Variants in ARHGEF9 observed in about 807,000 individuals in gnomAD.
ARHGEF9 encodes Cdc42 guanine nucleotide exchange factor 9.
Under a neutral mutation model 41.3 loss-of-function variants are expected in ARHGEF9, and 2 were observed. The ratio of observed to expected loss-of-function variants is 0.05; its 90% CI spans 0.02 to 0.15. ARHGEF9 has a LOEUF of 0.15. ARHGEF9 is among the 10% of genes least tolerant of loss of function. The probability of loss-of-function intolerance (pLI) is 1.00; values close to 1 mark genes in which losing one functional copy is unlikely to be tolerated. For synonymous variants in ARHGEF9, 160 were observed against 154.4 expected, an observed-to-expected ratio of 1.04 and a Z score of -0.27; for missense variants, 225 against 424.7, an observed-to-expected ratio of 0.53 and a Z score of 4.13.
rs868908107 is a variant in ARHGEF9 at position 63,637,884 on chromosome X, G to C, written c.*144C>G. The C allele has an allele frequency of 2.1e-4, 46 of 215,610 alleles. No homozygotes were observed. The highest frequency in any genetic ancestry group is 4.8e-4 in the Admixed American group (7 of 14,499). The allele number at this position is 215,610 out of a possible 1,213,427, so 17.8% of individuals were successfully genotyped here. A position where few individuals can be genotyped will look rare whatever the true frequency, so the allele number is the denominator to read the frequency against. On this transcript the variant is annotated 3_prime_UTR_variant, in exon 10 of 10. Transcript: ENST00000671741. ...TGTGTGTGTGTGTGTGTGTGTGTCT[G>C]TGTGTGTGTGTGTGTATGTGTACTC...
At chrX:63,752,287 C>G (rs1381052464) in intron 1 of ARHGEF9, among the ~76,000 whole-genome samples, 2 of 100,053 alleles carry the variant, frequency 2.0e-5, no homozygotes, top group Non-Finnish European at 4.0e-5. Context: ...CAAAAAATGC[C>G]AATGTTACTG....
intron 2 of ARHGEF9, among the ~76,000 whole-genome samples, chrX:63,720,886 C>T (rs373137968): frequency 8.9e-6 from 1 of 112,096 alleles, no homozygotes; most frequent in Non-Finnish European, 1.9e-5. Flanking sequence ...CCCGGCTTTT[C>T]TTGAAATACT....
intron 2 of ARHGEF9, among the ~76,000 whole-genome samples, chrX:63,708,681 C>A (rs1417081341): frequency 8.0e-5 from 9 of 111,844 alleles, no homozygotes; most frequent in Non-Finnish European, 1.5e-4. Flanking sequence ...CCCAGAAGCC[C>A]ATTCCTTAGG....
At chrX:63,729,861 G>A (rs2054179132) in intron 1 of ARHGEF9, among the ~76,000 whole-genome samples, 1 of 112,392 alleles carries the variant, frequency 8.9e-6, no homozygotes, top group African/African-American at 3.2e-5. Context: ...AGAGGATGGG[G>A]AGGGTTAAGA....
In ARHGEF9 at chrX:63,706,368, G is replaced by C. The variant is rs1556401847; in HGVS notation, c.292C>G (p.Leu98Val). The change falls in exon 3 of 10, where the codon CTC becomes GTC. Residue 98 changes from leucine (L) to valine (V), a missense_variant. By Grantham distance (32) the Leu-to-Val change is conservative. Transcript: ENST00000671741. ...TTCTGTAGTGGCCGCCCCAGACAGA[G>C]GCAGTCTGAATTGGGGTCCAGGTGT... The part of the protein sequence containing the change: ...NGHLDPNSDC[L>V]CLGRPLQNRD... 1 of 1,204,699 alleles carries C rather than the reference G, an allele frequency of 8.3e-7. No individual in the cohort carries two copies. The highest frequency in any genetic ancestry group is 1.1e-6 in the Non-Finnish European group (1 of 892,804).
rs200948030 is a variant in ARHGEF9, at chrX:63,678,867, GA to G, written c.583-296del. ...CCTAATAAGAGTAAAACACAGCATG[GA>G]AATAAAACTCTGGGACTGGATCACA... On this transcript the variant is annotated intron_variant, in intron 4 of 9. Transcript: ENST00000671741. Among the ~76,000 whole-genome samples, 1,254 of 111,626 alleles carry G rather than the reference GA, an allele frequency of 0.011. 6 individuals are homozygous for G. The highest frequency in any genetic ancestry group is 0.018 in the Non-Finnish European group (952 of 53,079).
intron 8 of ARHGEF9, among the ~76,000 whole-genome samples, chrX:63,651,995 C>T (rs1481638781): frequency 9.0e-6 from 1 of 110,885 alleles, no homozygotes; most frequent in African/African-American, 3.3e-5. Context: ...GCTGGTGAGG[C>T]TATGCGGAAG....
At chrX:63,736,039 G>A (rs191067594) in intron 1 of ARHGEF9, among the ~76,000 whole-genome samples, 1 of 112,161 alleles carries the variant, frequency 8.9e-6, no homozygotes, top group East Asian at 2.8e-4. Flanking sequence ...AGTCCTGGAT[G>A]AGGAAGTGGC....
intron 1 of ARHGEF9, among the ~76,000 whole-genome samples, chrX:63,752,114 G>A (rs1180106911): frequency 4.5e-5 from 5 of 111,286 alleles, no homozygotes; most frequent in Non-Finnish European, 9.4e-5. Context: ...CCAGGCTGTA[G>A]TACCAGATAT....
intron 2 of ARHGEF9, among the ~76,000 whole-genome samples, chrX:63,724,272 G>C (rs1347539720): frequency 8.9e-6 from 1 of 111,919 alleles, no homozygotes; most frequent in East Asian, 2.8e-4. Flanking sequence ...CCAAGACCCA[G>C]ACAAGGTAAG....
intron 1 of ARHGEF9, among the ~76,000 whole-genome samples, chrX:63,750,520 T>C (rs2147770955): frequency 9.0e-6 from 1 of 111,454 alleles, no homozygotes; most frequent in African/African-American, 3.3e-5. Flanking sequence ...AAAGCTAGGC[T>C]GATCAGGATT....
chrX:63,765,363 A>G lies in ARHGEF9; in HGVS notation c.30+19753T>C, dbSNP rs145446075. ...TCCAAAGGCTCACTCTCACCACTCC[A>G]CACATACACCCAGTTAACAAGGATA... is the stretch of plus-strand genomic sequence containing the variant. On this transcript the variant is annotated intron_variant, in intron 1 of 9. Transcript: ENST00000671741. Among the ~76,000 whole-genome samples the G allele has an allele frequency of 3.9e-4, 43 of 110,500 alleles. 1 individual carries two copies. In the East Asian group the frequency reaches 8.9e-3, roughly 23 times the overall value.
chrX:63,716,572 G>A (rs2053316467), intron 2 of ARHGEF9, among the ~76,000 whole-genome samples: 1 of 111,508 alleles, frequency 9.0e-6, no homozygotes, highest in African/African-American at 3.3e-5. Context: ...TTTTTATTAA[G>A]TCCTTCATTC....
intron 1 of ARHGEF9, among the ~76,000 whole-genome samples, chrX:63,771,648 C>T (rs1444437016): frequency 9.1e-6 from 1 of 110,281 alleles, no homozygotes; most frequent in Non-Finnish European, 1.9e-5. Context: ...CCCACTGCAA[C>T]CTCTGCCTCC....
chrX:63,742,785 A>T (rs187869957), intron 1 of ARHGEF9, among the ~76,000 whole-genome samples: 125 of 112,034 alleles, frequency 1.1e-3, no homozygotes, highest in African/African-American at 3.9e-3. Context: ...TTCATTTTGA[A>T]AGGCCTCTCA....
intron 8 of ARHGEF9, among the ~76,000 whole-genome samples, chrX:63,650,180 T>A (rs1476840436): frequency 9.0e-6 from 1 of 111,550 alleles, no homozygotes; most frequent in Admixed American, 9.6e-5. Flanking sequence ...CTGCTGGGTA[T>A]GTATCCAAAA....
intron 1 of ARHGEF9, among the ~76,000 whole-genome samples, chrX:63,739,076 A>T (rs2147710227): frequency 9.0e-6 from 1 of 111,689 alleles, no homozygotes; most frequent in East Asian, 2.8e-4. Flanking sequence ...TTATTTCCAT[A>T]ATCTTATCCC....
At chrX:63,640,593 A>C (rs1407394454) in intron 9 of ARHGEF9, 3 of 112,049 alleles carry the variant, frequency 2.7e-5, no homozygotes, top group Admixed American at 9.5e-5. Flanking sequence ...ATATATCAAT[A>C]CTTAAAATGA....
chrX:63,778,785 C>T (rs2056335236), intron 1 of ARHGEF9, among the ~76,000 whole-genome samples: 1 of 111,963 alleles, frequency 8.9e-6, no homozygotes, highest in Admixed American at 9.5e-5. Context: ...CAAAATGTTG[C>T]CAGCCTCTTT....
Sources: allele counts gnomAD v4.1 joint callset (sites outside exome capture counted in the v4.1 genomes callset), GRCh38; gene constraint gnomAD v4.1.1; transcripts MANE v1.5; gene names NCBI Gene and HGNC (gene_info 2026-07-23, HGNC 2026-07-21).